The following SYNJ1 variants were observed in gnomAD, a reference collection of about 807,000 sequenced individuals.
The protein encoded by SYNJ1 is polyphosphatidylinositol phosphatase SYNJ1.
In SYNJ1, 78 loss-of-function variants were observed where a neutral mutation model predicts 168.2. The ratio of observed to expected loss-of-function variants is 0.46; its 90% CI spans 0.39 to 0.56. SYNJ1 has a LOEUF of 0.56. Among genes scored for constraint, SYNJ1 ranks in the 20% least tolerant of loss-of-function variants. SYNJ1 has a pLI of 0.00. For synonymous variants in SYNJ1, 539 were observed against 548.6 expected (o/e 0.98, Z 0.24); for missense variants, 1,303 against 1,597.6 (o/e 0.82, Z 3.14).
chr21:32,673,686 G>A (rs1365491345), intron 13 of SYNJ1, among the ~76,000 whole-genome samples, 155 bp from the exon 14 acceptor site: 4 of 149,962 alleles, frequency 2.7e-5, no homozygotes, highest in Admixed American at 6.7e-5. Context: ...AAAAAGATCA[G>A]CCTTCAATGC....
At chr21:32,703,848 G>A (rs1304170586) in intron 2 of SYNJ1, among the ~76,000 whole-genome samples, 2 of 151,910 alleles carry the variant, frequency 1.3e-5, no homozygotes, top group South Asian at 2.1e-4. Flanking sequence ...CAAGGAGCTG[G>A]GACTACAGGC....
At chr21:32,693,412 G>A (rs1436459460) in intron 6 of SYNJ1, among the ~76,000 whole-genome samples, 3 of 152,196 alleles carry the variant, frequency 2.0e-5, no homozygotes, top group South Asian at 2.1e-4. Flanking sequence ...CTCTTAGACT[G>A]TCTTAAATAA....
intron 23 of SYNJ1, among the ~76,000 whole-genome samples, chr21:32,649,936 G>A (rs897130737): frequency 3.3e-5 from 5 of 152,094 alleles, no homozygotes; most frequent in African/African-American, 9.7e-5. Flanking sequence ...TTTTAGTAGA[G>A]ACAGGGTTTC....
intron 2 of SYNJ1, among the ~76,000 whole-genome samples, chr21:32,711,552 G>A (rs1248371420): frequency 2.0e-5 from 3 of 152,036 alleles, no homozygotes; most frequent in East Asian, 3.9e-4. Context: ...GGATGGTCTC[G>A]ATCTCTTGAC....
chr21:32,709,477 CAAAAAAAAAAAAAA>C (rs35527256), intron 2 of SYNJ1, among the ~76,000 whole-genome samples: 2 of 39,430 alleles, frequency 5.1e-5, no homozygotes, highest in Non-Finnish European at 9.1e-5. Context: ...GACTCTGTCT[CAAAAAAAAAAAAAA>C]AAAAAAAAAA....
intron 6 of SYNJ1, among the ~76,000 whole-genome samples, chr21:32,689,726 T>C (rs2041955750): frequency 1.3e-5 from 2 of 152,254 alleles, no homozygotes; most frequent in Non-Finnish European, 2.9e-5. Context: ...AGTATTATCA[T>C]TCATTAAGCA....
chr21:32,728,174 T>G, upstream of SYNJ1: 1 of 1,085,822 alleles, frequency 9.2e-7, no homozygotes, highest in Non-Finnish European at 1.3e-6. Context: ...AGTCTCCAGC[T>G]ACCTTTGCCT....
chr21:32,659,563 G>C (rs845007), intron 18 of SYNJ1, among the ~76,000 whole-genome samples: 1 of 152,110 alleles, frequency 6.6e-6, no homozygotes, highest in Non-Finnish European at 1.5e-5. Flanking sequence ...GTATGGAAAA[G>C]CATCATGAAA....
chr21:32,722,757 C>T (rs1282302069), intron 2 of SYNJ1, among the ~76,000 whole-genome samples: 2 of 152,062 alleles, frequency 1.3e-5, no homozygotes, highest in African/African-American at 4.8e-5. Flanking sequence ...TCAAGGAGTG[C>T]GGCATCCAGA....
chr21:32,641,862 G>C (rs1285035482), intron 29 of SYNJ1, 34 bp downstream of exon 29: 4 of 1,538,226 alleles, frequency 2.6e-6, no homozygotes, highest in Non-Finnish European at 3.6e-6. Flanking sequence ...ACTTAGAACC[G>C]AGACCCCTTG....
intron 31 of SYNJ1, among the ~76,000 whole-genome samples, chr21:32,638,103 T>G (rs745539987): frequency 6.6e-6 from 1 of 152,148 alleles, no homozygotes; most frequent in East Asian, 1.9e-4. Flanking sequence ...AGGGTCTCAC[T>G]GTGTCACCAG....
Position 32,694,294 on chromosome 21 carries a change from G to T in SYNJ1, c.723C>A (p.Asp241Glu). The T allele has an allele frequency of 1.3e-6, 2 of 1,570,862 alleles. No individual in the cohort carries two copies. Among genetic ancestry groups the T allele is most frequent in the South Asian group, 1.2e-5 (1 of 83,684 alleles). ...VETEQVVYLD[D>E]SVSSFIQIRG... ...GGATTTGTATGAAGGAAGAAACTGAGTCATCTAAGTACACAACCTACAGAA... is the reference window on the plus strand; with the variant it reads ...GGATTTGTATGAAGGAAGAAACTGATTCATCTAAGTACACAACCTACAGAA... The change falls in exon 6 of 33, where the codon GAC (aspartate) becomes GAA (glutamate). Residue 241 changes from aspartate to glutamate, a missense_variant. By Grantham distance (45) the Asp-to-Glu change is conservative. Coordinates refer to ENST00000674351, the MANE Select transcript of SYNJ1 (RefSeq NM_203446.3).
intron 27 of SYNJ1, 132 bp downstream of exon 27, chr21:32,643,278 G>A (rs2039922786): frequency 1.2e-6 from 1 of 869,132 alleles, no homozygotes; most frequent in Admixed American, 2.4e-5. Flanking sequence ...CATAAGGAGG[G>A]GAAAGAGAAG....
rs112924719 is a variant in SYNJ1, at chr21:32,706,019, A to G, written c.125-3972T>C. ...ACAGCAAACCAAAGTGAACACCAAC[A>G]GTAAGAGGACAAGTCAAAACTGCGA... On this transcript the variant is annotated intron_variant, in intron 2 of 32. Coordinates refer to ENST00000674351, the MANE Select transcript of SYNJ1 (RefSeq NM_203446.3). 7.2e-5 allele frequency among the ~76,000 whole-genome samples: 11 copies of G among 152,252 alleles called. 1 individual carries two copies. Among genetic ancestry groups the G allele is most frequent in the African/African-American group, 2.6e-4 (11 of 41,552 alleles).
intron 14 of SYNJ1, chr21:32,670,692 C>T (rs1184901128): frequency 2.8e-6 from 2 of 708,116 alleles, no homozygotes; most frequent in Non-Finnish European, 3.5e-6. Flanking sequence ...ATCAAAATCT[C>T]ACATAAAACT....
rs570105463 is a variant in SYNJ1, at chr21:32,727,899, C to G, written c.-23+47G>C. Reference sequence around the variant, plus strand: ...GGAGGCGTCCGCCCGCCCGGCTGCCCGTGGGTCTGGCCGCAGCAGCTCCCC... The same window carrying G: ...GGAGGCGTCCGCCCGCCCGGCTGCCGGTGGGTCTGGCCGCAGCAGCTCCCC... On this transcript the variant is annotated intron_variant, in intron 1 of 32. Transcript: ENST00000674351. 5.3e-5 allele frequency: 81 copies of G among 1,529,482 alleles called. No individual in the cohort carries two copies. The African/African-American group carries it at 7.6e-4, about 14-fold the overall frequency. 94.7% of individuals were successfully genotyped at this position (1,529,482 alleles called of 1,614,324 possible).
At chr21:32,680,773 G>A (rs1406462550) in intron 11 of SYNJ1, among the ~76,000 whole-genome samples, 1 of 152,034 alleles carries the variant, frequency 6.6e-6, no homozygotes, top group East Asian at 1.9e-4. Context: ...GCACCACCAT[G>A]CCCAGCTAGT....
intron 15 of SYNJ1, 125 bp downstream of exon 15, chr21:32,670,163 A>T: frequency 1.5e-6 from 1 of 672,402 alleles, no homozygotes; most frequent in Non-Finnish European, 2.4e-6. Context: ...ATGCTCTTTT[A>T]CAGTTTTACG....
chr21:32,678,577 A>G, intron 12 of SYNJ1, 68 bp downstream of exon 12: 5 of 1,455,274 alleles, frequency 3.4e-6, no homozygotes, highest in Admixed American at 2.7e-5. Flanking sequence ...TTCTGTGTAA[A>G]TAAGTTTACA....
Sources: gnomAD v4.1 joint callset for allele counts (sites outside exome capture counted in the v4.1 genomes callset) on GRCh38, gnomAD v4.1.1 for gene constraint, MANE v1.5 for transcripts, NCBI Gene and HGNC (gene_info 2026-07-23, HGNC 2026-07-21) for gene names.